BBOX1: variants seen among roughly 807,000 people sequenced by gnomAD.
The protein encoded by BBOX1 is gamma-butyrobetaine hydroxylase 1, also known as gamma-butyrobetaine dioxygenase.
A neutral mutation model predicts 41.6 loss-of-function variants in BBOX1; 35 were observed. The ratio of observed to expected loss-of-function variants is 0.84; its 90% CI spans 0.64 to 1.11. The LOEUF (loss-of-function observed/expected upper bound fraction) is 1.11. BBOX1 is among the 50% of genes most tolerant of loss of function. The pLI is 0.00. For missense variants in BBOX1, 458 were observed against 460.6 expected, an observed-to-expected ratio of 0.99 and a Z score of 0.05; for synonymous variants, 163 against 154.7, an observed-to-expected ratio of 1.05 and a Z score of -0.40.
At position 27,057,266 on chromosome 11, in the gene BBOX1, C is replaced by T. The variant is rs1857015172; in HGVS notation, c.285C>T (p.Cys95=). The change falls in exon 4 of 9, where the codon TGC becomes TGT. Residue 95 remains cysteine (C), a synonymous_variant. Transcript: ENST00000263182. ...AGGCTGATTGGCTGAAGAAAAGATG[C>T]TTTTCCAAGCAGGCCAGAGCAAAGC... The part of the protein sequence containing the change: ...EFQADWLKKR[C]FSKQARAKLQ... 15 of 1,611,654 alleles carry T rather than the reference C, an allele frequency of 9.3e-6. No homozygotes were observed. The highest frequency in any genetic ancestry group is 1.3e-5 in the African/African-American group (1 of 74,712).
chr11:27,083,087 T>G (rs1054661350), intron 4 of BBOX1, among the ~76,000 whole-genome samples: 2 of 152,176 alleles, frequency 1.3e-5, no homozygotes, highest in Non-Finnish European at 2.9e-5. Context: ...TTCAGAGTTT[T>G]ATGGGGTTAC....
At chr11:27,067,787 A>T (rs997436348) in intron 4 of BBOX1, among the ~76,000 whole-genome samples, 15 of 151,980 alleles carry the variant, frequency 9.9e-5, no homozygotes, top group African/African-American at 1.9e-4. Context: ...AAAAATTTTT[A>T]AAAAACATAG....
chr11:27,099,911 T>C (rs1858586538), intron 5 of BBOX1, among the ~76,000 whole-genome samples: 1 of 152,116 alleles, frequency 6.6e-6, no homozygotes, highest in South Asian at 2.1e-4. Flanking sequence ...CAGGCTTCAT[T>C]GGATAAATAA....
At chr11:27,079,654 T>C (rs7925797) in intron 4 of BBOX1, among the ~76,000 whole-genome samples, 25,599 of 152,054 alleles carry the variant, frequency 0.17, 2,408 homozygotes, top group Middle Eastern at 0.24. Context: ...TGAATCAAGA[T>C]ATATGATGGG....
chr11:27,111,745 A>G (rs1859072139), intron 5 of BBOX1, among the ~76,000 whole-genome samples: 1 of 152,000 alleles, frequency 6.6e-6, no homozygotes, highest in African/African-American at 2.4e-5. Flanking sequence ...GTTATATTAC[A>G]AATGGTAAAT....
rs768464396 is a variant in BBOX1, at chr11:27,125,720, T to C, written c.903T>C (p.Asp301=). ...ACGCAACTAGGGACACAATATTTGA[T>C]GTGCCTGTTGAAAGAGTTCAGCCTT... The part of the protein sequence containing the change: ...FNNATRDTIF[D]VPVERVQPFY... The change falls in exon 8 of 9, where the codon GAT becomes GAC. Residue 301 remains aspartate, a synonymous_variant. Transcript: ENST00000263182. The C allele has an allele frequency of 4.3e-6, 7 of 1,612,400 alleles. No homozygotes were observed. The highest frequency in any genetic ancestry group is 3.3e-5 in the Admixed American group (2 of 59,912).
intron 4 of BBOX1, among the ~76,000 whole-genome samples, chr11:27,092,536 T>G (rs570485282): frequency 6.6e-6 from 1 of 152,110 alleles, no homozygotes; most frequent in Non-Finnish European, 1.5e-5. Context: ...TCATGAAGAA[T>G]GAGAGAGCTA....
At chr11:27,075,432 C>T (rs1482130464) in intron 4 of BBOX1, among the ~76,000 whole-genome samples, 2 of 152,124 alleles carry the variant, frequency 1.3e-5, no homozygotes, top group East Asian at 3.9e-4. Context: ...TGCATAGAAA[C>T]CAGCTGTGGC....
chr11:27,082,332 G>C (rs1426122419), intron 4 of BBOX1, among the ~76,000 whole-genome samples: 1 of 152,116 alleles, frequency 6.6e-6, no homozygotes, highest in African/African-American at 2.4e-5. Flanking sequence ...GGAGCTGTTT[G>C]AAACCTGTTC....
At chr11:27,084,518 C>G (rs1446208644) in intron 4 of BBOX1, among the ~76,000 whole-genome samples, 1 of 152,132 alleles carries the variant, frequency 6.6e-6, no homozygotes, top group African/African-American at 2.4e-5. Flanking sequence ...TTCCACTAAG[C>G]TGCCTTTCCT....
intron 5 of BBOX1, among the ~76,000 whole-genome samples, chr11:27,095,134 A>G (rs1235820605): frequency 1.3e-5 from 2 of 151,992 alleles, no homozygotes; most frequent in Admixed American, 1.3e-4. Context: ...AATAATATGA[A>G]GAAAGCACAT....
chr11:27,096,688 T>G (rs1204842806), intron 5 of BBOX1, among the ~76,000 whole-genome samples: 10 of 152,004 alleles, frequency 6.6e-5, no homozygotes, highest in African/African-American at 2.4e-4. Context: ...TCATCTCAGT[T>G]GTTAGGTGGT....
At chr11:27,126,540 C>T (rs1020296147) in intron 8 of BBOX1, among the ~76,000 whole-genome samples, 3 of 152,094 alleles carry the variant, frequency 2.0e-5, no homozygotes, top group African/African-American at 7.2e-5. Context: ...TGAGAGAATA[C>T]TTTCTTTTCA....
At chr11:27,054,851 A>T (rs1363593288) in intron 2 of BBOX1, among the ~76,000 whole-genome samples, 1 of 152,226 alleles carries the variant, frequency 6.6e-6, no homozygotes, top group Non-Finnish European at 1.5e-5. Context: ...CAATATTCTG[A>T]ATTGAAGAAA....
intron 4 of BBOX1, among the ~76,000 whole-genome samples, chr11:27,085,780 T>G (rs1294410361): frequency 1.3e-5 from 2 of 152,194 alleles, no homozygotes; most frequent in East Asian, 3.9e-4. Context: ...GCTAGGCCTC[T>G]TGCACCAGAC....
intron 4 of BBOX1, among the ~76,000 whole-genome samples, chr11:27,071,739 A>G (rs985222372): frequency 6.6e-6 from 1 of 152,228 alleles, no homozygotes; most frequent in African/African-American, 2.4e-5. Flanking sequence ...AGTGGGCTTC[A>G]TCCCTGGGAT....
intron 7 of BBOX1, among the ~76,000 whole-genome samples, chr11:27,120,761 C>A (rs976572549): frequency 2.0e-5 from 3 of 151,810 alleles, no homozygotes; most frequent in African/African-American, 4.8e-5. Flanking sequence ...TTAAATTTTT[C>A]TATTAAGAGA....
chr11:27,048,111 G>T (rs551767875), intron 2 of BBOX1, among the ~76,000 whole-genome samples: 4 of 151,264 alleles, frequency 2.6e-5, no homozygotes, highest in African/African-American at 9.7e-5. Flanking sequence ...TTGTATGTTG[G>T]GGGGGTGAGA....
intron 4 of BBOX1, among the ~76,000 whole-genome samples, chr11:27,065,627 A>T (rs1857258810): frequency 1.3e-5 from 2 of 152,182 alleles, no homozygotes; most frequent in African/African-American, 4.8e-5. Context: ...AGCTCCAGAT[A>T]AACTTATCTT....
Sources: gnomAD v4.1 joint callset for allele counts (sites outside exome capture counted in the v4.1 genomes callset) on GRCh38, gnomAD v4.1.1 for gene constraint, MANE v1.5 for transcripts, NCBI Gene and HGNC (gene_info 2026-07-23, HGNC 2026-07-21) for gene names.